Variants in SLC4A4 observed in about 807,000 individuals in gnomAD.
The protein encoded by SLC4A4 is solute carrier family 4 member 4, also known as electrogenic sodium bicarbonate cotransporter 1.
A neutral mutation model predicts 111.5 loss-of-function variants in SLC4A4; 27 were observed. The observed-to-expected ratio is 0.24, with a 90% confidence interval of 0.18 to 0.33. The LOEUF is 0.33. Among genes scored for constraint, SLC4A4 ranks in the 10% least tolerant of loss-of-function variants. The pLI is 1.00. For missense variants in SLC4A4, 909 were observed against 1,315.5 expected (o/e 0.69, Z 4.78); for synonymous variants, 443 against 463.4 (o/e 0.96, Z 0.57).
chr4:71,441,154 C>T (rs1724677848), intron 8 of SLC4A4, among the ~76,000 whole-genome samples: 1 of 152,124 alleles, frequency 6.6e-6, no homozygotes. Context: ...CTTTCATTTA[C>T]TCTGTTTTAT....
intron 15 of SLC4A4, among the ~76,000 whole-genome samples, chr4:71,491,863 A>T (rs1427511168): frequency 1.3e-5 from 2 of 151,810 alleles, no homozygotes; most frequent in African/African-American, 4.8e-5. Context: ...ACTGGTGGTT[A>T]TACATTCATT....
intron 2 of SLC4A4, among the ~76,000 whole-genome samples, chr4:71,250,735 T>TA (rs1333439607): frequency 6.6e-6 from 1 of 152,170 alleles, no homozygotes; most frequent in African/African-American, 2.4e-5. Context: ...GGTGACATAA[T>TA]AAGTTATTAA....
At chr4:71,075,067 C>T (rs1343128190) in intron 1 of SLC4A4, among the ~76,000 whole-genome samples, 1 of 152,190 alleles carries the variant, frequency 6.6e-6, no homozygotes, top group Admixed American at 6.5e-5. Context: ...TTCACATTTG[C>T]GCTATTATTA....
At chr4:71,294,767 G>C (rs186667248) in intron 3 of SLC4A4, among the ~76,000 whole-genome samples, 3 of 152,296 alleles carry the variant, frequency 2.0e-5, no homozygotes, top group Admixed American at 2.0e-4. Context: ...TAAACTTTCG[G>C]ACTTGCTGCT....
intron 2 of SLC4A4, among the ~76,000 whole-genome samples, chr4:71,100,468 A>G (rs114955480): frequency 0.026 from 4,007 of 152,316 alleles, 74 homozygotes; most frequent in Middle Eastern, 0.041. Flanking sequence ...AGAGCCATAT[A>G]TGACAAACCA....
intron 2 of SLC4A4, among the ~76,000 whole-genome samples, chr4:71,150,193 C>T (rs1313177770): frequency 6.6e-6 from 1 of 151,882 alleles, no homozygotes; most frequent in Non-Finnish European, 1.5e-5. Flanking sequence ...TTGGAGTGTC[C>T]AAGCAGTGAG....
intron 6 of SLC4A4, among the ~76,000 whole-genome samples, chr4:71,390,628 C>G (rs1299800599): frequency 6.6e-6 from 1 of 152,010 alleles, no homozygotes; most frequent in African/African-American, 2.4e-5. Flanking sequence ...AGTTGGAAAC[C>G]AGGAACATAA....
intron 3 of SLC4A4, among the ~76,000 whole-genome samples, chr4:71,327,833 A>G (rs964086021): frequency 1.3e-5 from 2 of 151,902 alleles, no homozygotes; most frequent in African/African-American, 4.8e-5. Flanking sequence ...TTGTGTTATA[A>G]ATTCCAATTA....
intron 6 of SLC4A4, among the ~76,000 whole-genome samples, chr4:71,388,447 G>A (rs901333199): frequency 3.3e-5 from 5 of 152,130 alleles, no homozygotes; most frequent in African/African-American, 1.2e-4. Context: ...TCAGCTGAGT[G>A]GAGATTTTGT....
chr4:71,213,738 C>T (rs1267574397), intron 1 of SLC4A4, among the ~76,000 whole-genome samples: 1 of 152,020 alleles, frequency 6.6e-6, no homozygotes, highest in Admixed American at 6.5e-5. Flanking sequence ...GAGGGTGGAG[C>T]CCTCATCAAT....
intron 2 of SLC4A4, among the ~76,000 whole-genome samples, chr4:71,241,724 CT>C (rs1720240733): frequency 6.6e-6 from 1 of 152,154 alleles, no homozygotes; most frequent in Non-Finnish European, 1.5e-5. Context: ...AGAGGAAACT[CT>C]TGGGCAAATA....
intron 2 of SLC4A4, among the ~76,000 whole-genome samples, chr4:71,129,422 A>G (rs1024821572): frequency 3.9e-5 from 6 of 152,230 alleles, no homozygotes; most frequent in Non-Finnish European, 8.8e-5. Flanking sequence ...GTGAGATACC[A>G]TCATACACCA....
At chr4:71,245,400 G>T (rs1427344868) in intron 2 of SLC4A4, among the ~76,000 whole-genome samples, 2 of 152,142 alleles carry the variant, frequency 1.3e-5, no homozygotes, top group Non-Finnish European at 1.5e-5. Flanking sequence ...GGGGGCTGTT[G>T]CCAAGATTCA....
intron 7 of SLC4A4, among the ~76,000 whole-genome samples, chr4:71,439,290 T>A (rs1383557034): frequency 3.3e-5 from 5 of 151,228 alleles, no homozygotes; most frequent in African/African-American, 1.2e-4. Context: ...TACCCAGGCA[T>A]GGTGATGTGC....
At chr4:71,186,384 A>G (rs1236398757), upstream of SLC4A4, among the ~76,000 whole-genome samples, 1 of 152,218 alleles carries the variant, frequency 6.6e-6, no homozygotes, top group East Asian at 1.9e-4. Context: ...GTCAAGAGTG[A>G]TCTGAGCTGG....
At chr4:71,178,354 T>A (rs1166955089) in intron 2 of SLC4A4, among the ~76,000 whole-genome samples, 1 of 150,372 alleles carries the variant, frequency 6.7e-6, no homozygotes, top group Non-Finnish European at 1.5e-5. Context: ...ATAACTAAGA[T>A]CAGAGCAGAA....
chr4:71,308,012 A>G (rs1272231163), intron 3 of SLC4A4, among the ~76,000 whole-genome samples: 1 of 152,072 alleles, frequency 6.6e-6, no homozygotes, highest in East Asian at 1.9e-4. Context: ...GCAGCCCTCA[A>G]TACTTTTCTA....
intron 12 of SLC4A4, among the ~76,000 whole-genome samples, chr4:71,456,754 A>G (rs1045453091): frequency 6.6e-6 from 1 of 152,124 alleles, no homozygotes; most frequent in Non-Finnish European, 1.5e-5. Flanking sequence ...ATTGATGAAA[A>G]CAGTCTTTTT....
intron 1 of SLC4A4, among the ~76,000 whole-genome samples, chr4:71,221,242 A>T (rs933929775): frequency 6.6e-6 from 1 of 152,168 alleles, no homozygotes; most frequent in Non-Finnish European, 1.5e-5. Context: ...GAGTAATGGA[A>T]TTGCTGGGTT....
Sources: allele counts gnomAD v4.1 joint callset (sites outside exome capture counted in the v4.1 genomes callset), GRCh38; gene constraint gnomAD v4.1.1; transcripts MANE v1.5; gene names NCBI Gene and HGNC (gene_info 2026-07-23, HGNC 2026-07-21).